ANKRD30BL: variants seen among roughly 807,000 people sequenced by gnomAD.
ANKRD30BL encodes ankyrin repeat domain 30B like, also known as putative ankyrin repeat domain-containing protein 30B-like.
Under a neutral mutation model 18.4 loss-of-function variants are expected in ANKRD30BL, and 20 were observed. That is an observed-to-expected ratio of 1.09 (90% CI 0.77 to 1.58). The LOEUF (loss-of-function observed/expected upper bound fraction) is 1.58. Among genes scored for constraint, ANKRD30BL ranks in the 40% most tolerant of loss-of-function variants. The probability of loss-of-function intolerance (pLI) is 0.00; values close to 1 mark genes in which losing one functional copy is unlikely to be tolerated. For synonymous variants in ANKRD30BL, 72 were observed against 100.9 expected (o/e 0.71, Z 1.72); for missense variants, 224 against 268.6 (o/e 0.83, Z 1.16).
chr2:132,219,898 A>C (rs796756929), intron 1 of ANKRD30BL, among the ~76,000 whole-genome samples: 4 of 152,114 alleles, frequency 2.6e-5, no homozygotes, highest in Non-Finnish European at 5.9e-5. Flanking sequence ...ACAGAGTTGA[A>C]CCTTTCTTTT....
intron 1 of ANKRD30BL, among the ~76,000 whole-genome samples, chr2:132,231,948 G>GA (rs1229149013): frequency 6.6e-6 from 1 of 152,178 alleles, no homozygotes; most frequent in African/African-American, 2.4e-5. Context: ...TGACAGCTTT[G>GA]AAGAGAGCAG....
chr2:132,199,991 T>C (rs1402410428), intron 1 of ANKRD30BL, among the ~76,000 whole-genome samples: 1 of 152,212 alleles, frequency 6.6e-6, no homozygotes, highest in Non-Finnish European at 1.5e-5. Context: ...ATCCCTGGGA[T>C]GCAAGGCTGG....
At chr2:132,221,797 C>T (rs1319010741) in intron 1 of ANKRD30BL, among the ~76,000 whole-genome samples, 2 of 116,550 alleles carry the variant, frequency 1.7e-5, no homozygotes, top group East Asian at 2.7e-4. Flanking sequence ...GCCCGGCCAG[C>T]CGCCCCGTCC....
chr2:132,189,017 C>A (rs1290479082), intron 1 of ANKRD30BL, among the ~76,000 whole-genome samples: 3 of 152,244 alleles, frequency 2.0e-5, no homozygotes, highest in Non-Finnish European at 4.4e-5. Flanking sequence ...GGGGCCACAT[C>A]GAACCCAGTC....
rs796476658 is a variant in ANKRD30BL, at chr2:132,218,652, A to G, written n.441+38877T>C. Among the ~76,000 whole-genome samples, 3 of 152,250 alleles carry G rather than the reference A, an allele frequency of 2.0e-5. No individual in the cohort carries two copies. In the East Asian group the frequency reaches 5.8e-4, roughly 29 times the overall value. Reference sequence around the variant, plus strand: ...TATATTCACATAAAAACTAGACAGAAGCATTCTCAGAAACTTCTTTGTGAT... The same window carrying G: ...TATATTCACATAAAAACTAGACAGAGGCATTCTCAGAAACTTCTTTGTGAT... On this transcript the variant is annotated intron_variant and non_coding_transcript_variant, in intron 1 of 4. Coordinates refer to the ANKRD30BL transcript ENST00000470729.
chr2:132,248,531 A>C (rs1680562401), intron 1 of ANKRD30BL, among the ~76,000 whole-genome samples: 1 of 152,120 alleles, frequency 6.6e-6, no homozygotes, highest in Non-Finnish European at 1.5e-5. Flanking sequence ...CTCAATCAAA[A>C]GAATGGTTCA....
At chr2:132,236,544 T>C (rs1372579082) in intron 1 of ANKRD30BL, among the ~76,000 whole-genome samples, 1 of 152,092 alleles carries the variant, frequency 6.6e-6, no homozygotes, top group African/African-American at 2.4e-5. Flanking sequence ...TCACTGGCCA[T>C]CAGAGAAATG....
intron 3 of ANKRD30BL, chr2:132,156,756 A>T (rs1186638411): frequency 2.2e-5 from 6 of 276,370 alleles, no homozygotes; most frequent in Non-Finnish European, 4.0e-5. Flanking sequence ...CCTTTAACAA[A>T]TTTAAATATT....
At chr2:132,151,735 A>T (rs950423119) in intron 4 of ANKRD30BL, among the ~76,000 whole-genome samples, 1 of 152,064 alleles carries the variant, frequency 6.6e-6, no homozygotes, top group African/African-American at 2.4e-5. Flanking sequence ...CTTGTAATTC[A>T]GAGCATCTAA....
chr2:132,236,194 T>C (rs1680146235), intron 1 of ANKRD30BL, among the ~76,000 whole-genome samples: 1 of 152,048 alleles, frequency 6.6e-6, no homozygotes, highest in African/African-American at 2.4e-5. Context: ...CAATTCAAGA[T>C]GGATTAAAGA....
At chr2:132,183,827 G>A (rs534962467) in intron 1 of ANKRD30BL, among the ~76,000 whole-genome samples, 132 of 152,224 alleles carry the variant, frequency 8.7e-4, no homozygotes, top group African/African-American at 3.0e-3. Flanking sequence ...TTCGTGGGAT[G>A]TAATTCTCCC....
intron 1 of ANKRD30BL, among the ~76,000 whole-genome samples, chr2:132,175,911 G>C (rs886875400): frequency 1.3e-5 from 2 of 151,476 alleles, no homozygotes; most frequent in Non-Finnish European, 2.9e-5. Flanking sequence ...AAAGTGATTG[G>C]GGCAAAGTTA....
intron 3 of ANKRD30BL, chr2:132,155,945 G>T (rs1687892765): frequency 6.6e-6 from 1 of 150,670 alleles, no homozygotes; most frequent in South Asian, 2.1e-4. Flanking sequence ...CAGTATAAAA[G>T]TTTATTCTCT....
chr2:132,220,224 C>T (rs1342294651), intron 1 of ANKRD30BL, among the ~76,000 whole-genome samples: 2 of 152,068 alleles, frequency 1.3e-5, no homozygotes, highest in Non-Finnish European at 2.9e-5. Flanking sequence ...TGTGTGCATT[C>T]AACTCACAGT....
chr2:132,255,134 C>T (rs534643632), intron 1 of ANKRD30BL, among the ~76,000 whole-genome samples: 1 of 150,854 alleles, frequency 6.6e-6, no homozygotes, highest in African/African-American at 2.4e-5. Flanking sequence ...CGTTTATGGT[C>T]GGAATTACAA....
At chr2:132,203,438 C>T (rs1679148143) in intron 1 of ANKRD30BL, among the ~76,000 whole-genome samples, 1 of 152,124 alleles carries the variant, frequency 6.6e-6, no homozygotes. Context: ...TGTATTAATA[C>T]TTGAATTGCA....
intron 1 of ANKRD30BL, among the ~76,000 whole-genome samples, chr2:132,234,189 G>T (rs924231440): frequency 6.6e-6 from 1 of 152,114 alleles, no homozygotes; most frequent in Non-Finnish European, 1.5e-5. Context: ...TCAAAGCAGG[G>T]TGTAGAGGGA....
chr2:132,152,507 G>A (rs957387563), intron 4 of ANKRD30BL: 5 of 152,174 alleles, frequency 3.3e-5, no homozygotes, highest in Non-Finnish European at 7.3e-5. Context: ...AGAGATGTAA[G>A]TAGCATGGGA....
At chr2:132,207,915 A>G (rs1199714328) in intron 1 of ANKRD30BL, among the ~76,000 whole-genome samples, 1 of 152,150 alleles carries the variant, frequency 6.6e-6, no homozygotes, top group Non-Finnish European at 1.5e-5. Flanking sequence ...TCAGATCACA[A>G]CGGGGTCACC....
Sources: gnomAD v4.1 joint callset for allele counts (sites outside exome capture counted in the v4.1 genomes callset) on GRCh38, gnomAD v4.1.1 for gene constraint, MANE v1.5 for transcripts, NCBI Gene and HGNC (gene_info 2026-07-23, HGNC 2026-07-21) for gene names.